The following NUP153 variants were observed in gnomAD, a reference collection of about 807,000 sequenced individuals.
NUP153 encodes nuclear pore complex protein Nup153.
In NUP153, 27 loss-of-function variants were observed where a neutral mutation model predicts 134.6. The ratio of observed to expected loss-of-function variants is 0.20; its 90% confidence interval spans 0.15 to 0.28. NUP153 has a LOEUF of 0.28. Ranked by LOEUF, NUP153 falls within the 10% of genes least tolerant of loss-of-function variation. The pLI, the probability that NUP153 is intolerant of heterozygous loss-of-function variation, is 1.00. For missense variants in NUP153, 1,821 were observed against 1,731.3 expected (o/e 1.05, Z -0.92); for synonymous variants, 640 against 623.5 (o/e 1.03, Z -0.40).
chr6:17,652,256 A>C (rs1242936823), intron 11 of NUP153, among the ~76,000 whole-genome samples: 2 of 152,020 alleles, frequency 1.3e-5, no homozygotes, highest in Admixed American at 1.3e-4. Context: ...ATTTTCTTTA[A>C]GAATTATCAA....
intron 11 of NUP153, among the ~76,000 whole-genome samples, chr6:17,651,083 G>A (rs1478226982): frequency 6.6e-6 from 1 of 152,114 alleles, no homozygotes; most frequent in Admixed American, 6.6e-5. Context: ...AGGACAGCTT[G>A]AGGCCAAGAG....
intron 2 of NUP153, among the ~76,000 whole-genome samples, chr6:17,685,838 T>C (rs1354057732): frequency 6.6e-6 from 1 of 151,872 alleles, no homozygotes; most frequent in Non-Finnish European, 1.5e-5. Flanking sequence ...AGTATACTCC[T>C]TCCACTTACA....
At chr6:17,692,316 A>G (rs1034791957) in intron 1 of NUP153, among the ~76,000 whole-genome samples, 3 of 152,226 alleles carry the variant, frequency 2.0e-5, no homozygotes, top group African/African-American at 7.2e-5. Context: ...AGACATTACT[A>G]GTGGCACAGT....
intron 16 of NUP153, among the ~76,000 whole-genome samples, chr6:17,634,990 AAT>A (rs1765458408): frequency 6.6e-6 from 1 of 151,752 alleles, no homozygotes; most frequent in Non-Finnish European, 1.5e-5. Context: ...AAAAAAAAAA[AAT>A]AAATCGCAAA....
chr6:17,632,757 G>T lies in NUP153; in HGVS notation c.2552C>A (p.Pro851His). 1 of 1,598,650 alleles carries T rather than the reference G, an allele frequency of 6.3e-7. No homozygotes were observed. The highest frequency in any genetic ancestry group is 8.5e-7 in the Non-Finnish European group (1 of 1,170,970). ...GSLGLEKFKKPEGSWDCELCL... is the reference protein window; with the variant it reads ...GSLGLEKFKKHEGSWDCELCL... ...CAATTCACAGTCCCAGCTTCCCTCG[G>T]GTTTCTTGAACTTTTCCAATCCTAG... The change falls in exon 17 of 22, where the codon CCC becomes CAC. Residue 851 changes from proline to histidine, a missense_variant. Physicochemically the swap from Pro to His is moderately conservative, Grantham distance 77. Coordinates refer to ENST00000262077, the MANE Select transcript of NUP153 (RefSeq NM_005124.4).
At chr6:17,689,806 T>C (rs1170911801) in intron 1 of NUP153, among the ~76,000 whole-genome samples, 1 of 152,084 alleles carries the variant, frequency 6.6e-6, no homozygotes, top group Non-Finnish European at 1.5e-5. Context: ...ATTACAAGCA[T>C]GAGCCACCGT....
At chr6:17,693,516 T>C (rs1456070376) in intron 1 of NUP153, among the ~76,000 whole-genome samples, 1 of 152,238 alleles carries the variant, frequency 6.6e-6, no homozygotes, top group Non-Finnish European at 1.5e-5. Flanking sequence ...GTTCTGCTAT[T>C]GGTCTCTGGG....
rs751006946 is a variant in NUP153, at chr6:17,680,167, G to C, written c.335-4397C>G. 5.2e-4 allele frequency among the ~76,000 whole-genome samples: 79 copies of C among 152,114 alleles called. No individual in the cohort carries two copies. Among genetic ancestry groups the C allele is most frequent in the Non-Finnish European group, 9.1e-4 (62 of 68,032 alleles). The stretch of plus-strand genomic sequence containing the variant: ...CTCAAGCACAAGCCCTGAAATAAAA[G>C]TCCTGTCTGGGAAATCTGCTTGGGT... On this transcript the variant is annotated intron_variant, in intron 2 of 21. Coordinates refer to ENST00000262077, the MANE Select transcript of NUP153 (RefSeq NM_005124.4). The surrounding 1 kb of genome is among the most constrained non-coding windows in gnomAD (Gnocchi z 4.5).
At chr6:17,668,491 A>G (rs1767687166) in intron 8 of NUP153, among the ~76,000 whole-genome samples, 1 of 152,186 alleles carries the variant, frequency 6.6e-6, no homozygotes, top group Non-Finnish European at 1.5e-5. Flanking sequence ...AGTATCTACT[A>G]CATATACAAT....
At chr6:17,703,906 T>C (rs931662470) in intron 1 of NUP153, among the ~76,000 whole-genome samples, 17 of 152,232 alleles carry the variant, frequency 1.1e-4, no homozygotes, top group Admixed American at 1.0e-3. Context: ...CCTGAAGTCG[T>C]ATCAACTCTA....
chr6:17,670,099 A>AAG (rs1767807248), intron 5 of NUP153, among the ~76,000 whole-genome samples: 1 of 126,280 alleles, frequency 7.9e-6, no homozygotes, highest in African/African-American at 2.7e-5. Flanking sequence ...CTTTCTCAAA[A>AAG]AAAAAAAAAA....
intron 13 of NUP153, 82 bp from the exon 14 acceptor site, chr6:17,646,236 C>A: frequency 1.5e-6 from 1 of 673,286 alleles, no homozygotes; most frequent in African/African-American, 1.9e-5. Context: ...GAGACGGAGT[C>A]TTACTCTGTC....
At chr6:17,651,245 G>C (rs75170242) in intron 11 of NUP153, among the ~76,000 whole-genome samples, 10,960 of 152,192 alleles carry the variant, frequency 0.072, 487 homozygotes, top group Admixed American at 0.11. Context: ...CGAGGCTGTA[G>C]TGGGCCATGA....
chr6:17,657,114 T>G (rs757991388), intron 11 of NUP153, among the ~76,000 whole-genome samples: 6 of 152,168 alleles, frequency 3.9e-5, no homozygotes, highest in Non-Finnish European at 7.3e-5. Flanking sequence ...TCTGAGATCT[T>G]CGGCTGAAGC....
intron 8 of NUP153, among the ~76,000 whole-genome samples, chr6:17,668,140 G>T (rs1341204931): frequency 6.9e-6 from 1 of 144,962 alleles, no homozygotes; most frequent in African/African-American, 2.6e-5. Flanking sequence ...CAGTGGCGCG[G>T]CCTCGGCTCA....
At position 17,662,994 on chromosome 6, in the gene NUP153, C is replaced by T. The variant is rs1767285052; in HGVS notation, c.1216-924G>A. Among the ~76,000 whole-genome samples, 3 of 152,056 alleles carry T rather than the reference C, an allele frequency of 2.0e-5. No individual in the cohort carries two copies. The South Asian group carries it at 6.2e-4, about 32-fold the overall frequency. On this transcript the variant is annotated intron_variant, in intron 9 of 21. Transcript: ENST00000262077. ...AGAGACATGACAACTAAATGCAAGA[C>T]ATGATGTTAGAATTTCTTCTTTTAG...
chr6:17,637,431 T>G lies in NUP153; in HGVS notation c.2186A>C (p.Asp729Ala). Residue 729 changes from aspartate to alanine, a missense_variant, in exon 16 of 22, where the codon GAT becomes GCT. Asp to Ala is a moderately radical substitution (Grantham distance 126, BLOSUM62 -2). Transcript: ENST00000262077. ...FKPVIGTWDC[D>A]TCLVQNKPEA... ...AGGTTTATTTTGCACTAAACAGGTA[T>G]CACAATCCCAAGTGCCTATCACTGG... 6.2e-7 allele frequency: 1 copy of G among 1,614,216 alleles called. No homozygotes were observed. The highest frequency in any genetic ancestry group is 8.5e-7 in the Non-Finnish European group (1 of 1,180,036).
intron 16 of NUP153, among the ~76,000 whole-genome samples, chr6:17,635,127 T>G (rs1015259301): frequency 1.8e-5 from 2 of 112,978 alleles, no homozygotes; most frequent in Non-Finnish European, 3.7e-5. Flanking sequence ...TTTTTTTTTT[T>G]GAGACGGAGT....
In NUP153 at chr6:17,615,945, T is replaced by C. The variant is rs947666489; in HGVS notation, c.*152A>G. The stretch of plus-strand genomic sequence containing the variant: ...AAGGGTGGGTGAGGCAGGGTGGGGC[T>C]TCTGTAACGAAAGAGAAAGGAGGAA... On this transcript the variant is annotated 3_prime_UTR_variant, in exon 22 of 22. Transcript: ENST00000262077. This position sits in a 1 kb window ranked among gnomAD's most constrained non-coding sequence, Gnocchi z 5.7. The C allele has an allele frequency of 9.2e-6, 5 of 542,616 alleles. No individual in the cohort carries two copies. The African/African-American group carries it at 9.6e-5, about 10-fold the overall frequency. The allele number at this position is 542,616 out of a possible 1,614,324, so 33.6% of individuals were successfully genotyped here.
Sources: allele counts gnomAD v4.1 joint callset (sites outside exome capture counted in the v4.1 genomes callset), GRCh38; gene constraint gnomAD v4.1.1; non-coding constraint Gnocchi (gnomAD v3.1); transcripts MANE v1.5; gene names NCBI Gene and HGNC (gene_info 2026-07-23, HGNC 2026-07-21).